The following SBF2 variants were observed in gnomAD, a reference collection of about 807,000 sequenced individuals.
SBF2 encodes the protein SET binding factor 2, also known as myotubularin-related protein 13.
A neutral mutation model predicts 225.2 loss-of-function variants in SBF2; 112 were observed. The ratio of observed to expected loss-of-function variants is 0.50; its 90% confidence interval spans 0.43 to 0.58. The LOEUF is 0.58. Among genes scored for constraint, SBF2 ranks in the 20% least tolerant of loss-of-function variants. The probability of loss-of-function intolerance (pLI) is 0.00; values close to 1 mark genes in which losing one functional copy is unlikely to be tolerated. For missense variants in SBF2, 1,996 were observed against 2,206.2 expected, an observed-to-expected ratio of 0.90 and a Z score of 1.91; for synonymous variants, 763 against 773.3, an observed-to-expected ratio of 0.99 and a Z score of 0.22.
rs189691271 is a variant in SBF2, at chr11:9,824,296, C to T, written c.3793+5060G>A. ...TGTTAAGGCCGGGTGCAGTGGCTCA[C>T]ACCTGTAATCCCAGCAATTTGGGAG... On this transcript the variant is annotated intron_variant, in intron 28 of 39. Coordinates refer to ENST00000256190, the MANE Select transcript of SBF2 (RefSeq NM_030962.4). Among the ~76,000 whole-genome samples the T allele has an allele frequency of 2.6e-3, 402 of 152,260 alleles. 1 individual carries two copies. Among genetic ancestry groups the T allele is most frequent in the African/African-American group, 8.9e-3 (369 of 41,552 alleles).
intron 28 of SBF2, among the ~76,000 whole-genome samples, chr11:9,825,189 T>G (rs551704484): frequency 6.6e-6 from 1 of 151,934 alleles, no homozygotes; most frequent in Non-Finnish European, 1.5e-5. Context: ...ATATGACTGG[T>G]GTACTTATAA....
chr11:10,071,607 A>AG (rs1950881968), intron 2 of SBF2, among the ~76,000 whole-genome samples: 1 of 152,124 alleles, frequency 6.6e-6, no homozygotes. Flanking sequence ...GTTTTTGCCC[A>AG]TTCAGTATGA....
At chr11:10,232,557 C>A (rs906187912) in intron 1 of SBF2, among the ~76,000 whole-genome samples, 5 of 144,888 alleles carry the variant, frequency 3.5e-5, no homozygotes, top group Non-Finnish European at 7.6e-5. Context: ...TTTATTTTGT[C>A]TTAATTTTTT....
intron 32 of SBF2, among the ~76,000 whole-genome samples, chr11:9,799,608 T>TTG: frequency 6.6e-6 from 1 of 152,364 alleles, no homozygotes; most frequent in East Asian, 1.9e-4. Context: ...GGTTGATTAG[T>TTG]ACCTAGATAC....
intron 2 of SBF2, among the ~76,000 whole-genome samples, chr11:10,176,846 C>A (rs555693145): frequency 1.8e-4 from 28 of 152,276 alleles, no homozygotes; most frequent in African/African-American, 6.5e-4. Flanking sequence ...TTTTATGAGG[C>A]CAGCATCATC....
rs1482257404 is a variant in SBF2 at position 10,218,329 on chromosome 11, CCCA to C, written c.56-24345_56-24343del. On this transcript the variant is annotated intron_variant, in intron 1 of 39. Transcript: ENST00000256190. ...AGCACAGGAAAGACCCACCCCCCCCCCCACCCAATGATTCAATTACCTCCCACC... is the reference window on the plus strand; with the variant it reads ...AGCACAGGAAAGACCCACCCCCCCCCCCCAATGATTCAATTACCTCCCACC... 4.6e-3 allele frequency among the ~76,000 whole-genome samples: 482 copies of C among 104,928 alleles called. 2 individuals carry two copies. The highest frequency in any genetic ancestry group is 5.5e-3 in the Non-Finnish European group (262 of 48,044). 68.8% of individuals were successfully genotyped at this position (104,928 alleles called of 152,430 possible). A position where few individuals can be genotyped will look rare whatever the true frequency, so the allele number is the denominator to read the frequency against.
intron 2 of SBF2, among the ~76,000 whole-genome samples, chr11:10,071,145 C>G (rs369803657): frequency 6.6e-5 from 10 of 152,140 alleles, no homozygotes; most frequent in Middle Eastern, 3.4e-3. Context: ...AATTGAATAC[C>G]CTTTATTTCT....
rs1956443626 is a variant in SBF2 at position 10,175,961 on chromosome 11, C to T, written c.141+17941G>A. ...CAGAAATAAAGATGTTCTTTGAAAC[C>T]AACGAGAACAAAGACACAACATACC... On this transcript the variant is annotated intron_variant, in intron 2 of 39. Transcript: ENST00000256190. Among the ~76,000 whole-genome samples, 4 of 146,370 alleles carry T rather than the reference C, an allele frequency of 2.7e-5. 1 individual carries two copies. In the South Asian group the frequency reaches 9.1e-4, roughly 33 times the overall value.
intron 32 of SBF2, among the ~76,000 whole-genome samples, chr11:9,805,545 CTT>C (rs1318651085): frequency 6.6e-6 from 1 of 151,876 alleles, no homozygotes; most frequent in Non-Finnish European, 1.5e-5. Flanking sequence ...GCTTTGAAGA[CTT>C]TTGTGGAGGG....
At position 10,291,708 on chromosome 11, in the gene SBF2, T is replaced by C. The variant is rs11823068; in HGVS notation, c.55+2307A>G. Among the ~76,000 whole-genome samples, 1,073 of 151,772 alleles carry C rather than the reference T, an allele frequency of 7.1e-3. 12 individuals are homozygous for C. The highest frequency in any genetic ancestry group is 0.024 in the African/African-American group (1,004 of 41,326). On this transcript the variant is annotated intron_variant, in intron 1 of 39. Transcript: ENST00000256190. Reference sequence around the variant, plus strand: ...CACACACACACACACAGACTCCATGTAGATGTCAATAAATGATTAAGAGTT... The same window carrying C: ...CACACACACACACACAGACTCCATGCAGATGTCAATAAATGATTAAGAGTT...
intron 25 of SBF2, among the ~76,000 whole-genome samples, chr11:9,840,418 A>G (rs1329302406): frequency 1.3e-5 from 2 of 152,258 alleles, no homozygotes; most frequent in Non-Finnish European, 2.9e-5. Flanking sequence ...AATAGTCAAG[A>G]AATAAAATAT....
At chr11:10,103,401 A>G (rs1952399033) in intron 2 of SBF2, among the ~76,000 whole-genome samples, 1 of 152,196 alleles carries the variant, frequency 6.6e-6, no homozygotes, top group South Asian at 2.1e-4. Context: ...TCTTTGTGCT[A>G]TATTTGTGTA....
intron 32 of SBF2, among the ~76,000 whole-genome samples, chr11:9,796,480 A>G (rs769537447): frequency 3.2e-4 from 49 of 152,228 alleles, no homozygotes; most frequent in Non-Finnish European, 5.4e-4. Context: ...AAGTTTGGCA[A>G]TGAAAAGGAT....
At chr11:10,111,706 T>C (rs938292039) in intron 2 of SBF2, among the ~76,000 whole-genome samples, 1 of 151,944 alleles carries the variant, frequency 6.6e-6, no homozygotes, top group Non-Finnish European at 1.5e-5. Flanking sequence ...CAAAACCGCA[T>C]CTCTACTAAA....
chr11:10,061,306 C>T (rs929157808), intron 2 of SBF2, among the ~76,000 whole-genome samples: 2 of 152,030 alleles, frequency 1.3e-5, no homozygotes, highest in Non-Finnish European at 2.9e-5. Flanking sequence ...ACAAGGATGC[C>T]CTCTCTCACC....
chr11:10,107,142 TC>T (rs1952593477), intron 2 of SBF2, among the ~76,000 whole-genome samples: 1 of 152,180 alleles, frequency 6.6e-6, no homozygotes, highest in African/African-American at 2.4e-5. Flanking sequence ...CTTAAATAAG[TC>T]CAGGCCATTC....
At chr11:10,131,854 T>C (rs1565265788) in intron 2 of SBF2, among the ~76,000 whole-genome samples, 1 of 152,246 alleles carries the variant, frequency 6.6e-6, no homozygotes, top group African/African-American at 2.4e-5. Context: ...GCAAAAGTTC[T>C]TAATTTTAAT....
chr11:10,031,121 A>G lies in SBF2; in HGVS notation c.329T>C (p.Ile110Thr). 1 of 1,613,668 alleles carries G rather than the reference A, an allele frequency of 6.2e-7. No homozygotes were observed. Among genetic ancestry groups the G allele is most frequent in the Non-Finnish European group, 8.5e-7 (1 of 1,179,716 alleles). The stretch of plus-strand genomic sequence containing the variant: ...GGGAGCAAACACTTCTGCAGGCTGA[A>G]TTAAACCAGACACTTTTGCTTCACC... The part of the protein sequence containing the change: ...IEGEAKVSGL[I>T]QPAEVFAPKS... Residue 110 changes from isoleucine to threonine, a missense_variant, in exon 4 of 40, where the codon ATT (isoleucine) becomes ACT (threonine). By Grantham distance (89) the Ile-to-Thr change is moderately conservative. Transcript: ENST00000256190.
At chr11:9,804,907 C>T (rs1853709668) in intron 32 of SBF2, among the ~76,000 whole-genome samples, 1 of 152,124 alleles carries the variant, frequency 6.6e-6, no homozygotes, top group African/African-American at 2.4e-5. Flanking sequence ...TTCCTTCTCC[C>T]CCACTATCTT....
Sources: gnomAD v4.1 joint callset for allele counts (sites outside exome capture counted in the v4.1 genomes callset) on GRCh38, gnomAD v4.1.1 for gene constraint, MANE v1.5 for transcripts, NCBI Gene and HGNC (gene_info 2026-07-23, HGNC 2026-07-21) for gene names.